SHISA9: variants seen among roughly 807,000 people sequenced by gnomAD.
SHISA9 encodes shisa family member 9, also known as protein shisa-9.
Under a neutral mutation model 38.0 loss-of-function variants are expected in SHISA9, and 13 were observed. The observed-to-expected ratio is 0.34, with a 90% confidence interval of 0.22 to 0.54. The LOEUF (loss-of-function observed/expected upper bound fraction) is 0.54. Ranked by LOEUF, SHISA9 falls within the 20% of genes least tolerant of loss-of-function variation. The pLI is 0.91. For synonymous variants in SHISA9, 275 were observed against 242.0 expected (o/e 1.14, Z -1.27); for missense variants, 538 against 575.8 (o/e 0.93, Z 0.67).
At chr16:13,200,772 CT>C (rs2050999469) in intron 2 of SHISA9, among the ~76,000 whole-genome samples, 1 of 135,686 alleles carries the variant, frequency 7.4e-6, no homozygotes, top group African/African-American at 2.9e-5. Context: ...TTACTTGGCA[CT>C]TATGTTTGGC....
the SHISA9 span, among the ~76,000 whole-genome samples, chr16:13,466,733 T>C: frequency 6.6e-6 from 1 of 152,276 alleles, no homozygotes; most frequent in Non-Finnish European, 1.5e-5. Flanking sequence ...ATTTTCTTTC[T>C]TCTTTTATTC....
At chr16:13,261,178 C>T in the SHISA9 span, among the ~76,000 whole-genome samples, 3 of 152,052 alleles carry the variant, frequency 2.0e-5, no homozygotes, top group Admixed American at 2.0e-4. Context: ...TAAACAAGAC[C>T]ATCTTGCCTA....
intron 2 of SHISA9, among the ~76,000 whole-genome samples, chr16:13,085,202 A>G (rs927936188): frequency 6.6e-6 from 1 of 152,182 alleles, no homozygotes; most frequent in African/African-American, 2.4e-5. Flanking sequence ...TCTTCAAAAC[A>G]CTTAGACCTA....
the SHISA9 span, among the ~76,000 whole-genome samples, chr16:13,542,835 C>T: frequency 7.2e-5 from 11 of 152,244 alleles, no homozygotes; most frequent in African/African-American, 1.4e-4. Flanking sequence ...TTTTGGGGCT[C>T]GAGCAGCATC....
chr16:13,385,868 A>G, the SHISA9 span, among the ~76,000 whole-genome samples: 1 of 152,254 alleles, frequency 6.6e-6, no homozygotes, highest in Non-Finnish European at 1.5e-5. Flanking sequence ...TGAATCTCAA[A>G]GGAATTATGC....
chr16:13,491,212 C>T, the SHISA9 span, among the ~76,000 whole-genome samples: 1 of 152,128 alleles, frequency 6.6e-6, no homozygotes, highest in African/African-American at 2.4e-5. Context: ...GCTTTTCCCT[C>T]TACAAAGATG....
chr16:13,190,208 C>T (rs2050870169), intron 2 of SHISA9, among the ~76,000 whole-genome samples: 1 of 150,778 alleles, frequency 6.6e-6, no homozygotes, highest in Non-Finnish European at 1.5e-5. Context: ...TTAGGTATAT[C>T]TCCCAATGCT....
At chr16:12,958,268 C>G (rs2071863203) in intron 2 of SHISA9, among the ~76,000 whole-genome samples, 2 of 152,180 alleles carry the variant, frequency 1.3e-5, no homozygotes, top group South Asian at 4.1e-4. Flanking sequence ...TATCTAGTTT[C>G]TATTGTTGGA....
chr16:13,009,413 T>A (rs2072642435), intron 2 of SHISA9, among the ~76,000 whole-genome samples: 1 of 152,074 alleles, frequency 6.6e-6, no homozygotes, highest in Non-Finnish European at 1.5e-5. Context: ...TTGCTCAGGA[T>A]CATAACCTCG....
At chr16:13,444,452 G>A in the SHISA9 span, among the ~76,000 whole-genome samples, 1 of 150,720 alleles carries the variant, frequency 6.6e-6, no homozygotes, top group Non-Finnish European at 1.5e-5. Context: ...AGGAAACAAG[G>A]AAGGAAGGAA....
At chr16:13,302,246 T>A in the SHISA9 span, among the ~76,000 whole-genome samples, 1 of 152,160 alleles carries the variant, frequency 6.6e-6, no homozygotes, top group South Asian at 2.1e-4. Flanking sequence ...AGGCAGGAAA[T>A]TAACCTCATT....
At chr16:13,477,287 C>T in the SHISA9 span, among the ~76,000 whole-genome samples, 16 of 152,194 alleles carry the variant, frequency 1.1e-4, no homozygotes, top group South Asian at 6.2e-4. Flanking sequence ...ATTGTTGGGT[C>T]ACATGGGAAG....
At chr16:13,203,990 C>T (rs1250385000) in intron 3 of SHISA9, among the ~76,000 whole-genome samples, 1 of 152,122 alleles carries the variant, frequency 6.6e-6, no homozygotes, top group Non-Finnish European at 1.5e-5. Context: ...CACCCATCCA[C>T]CTATTCACTT....
the SHISA9 span, among the ~76,000 whole-genome samples, chr16:13,421,213 G>GACA: frequency 0.73 from 111,480 of 151,768 alleles, 41,159 homozygotes; most frequent in Admixed American, 0.82. Flanking sequence ...TGTTATTACT[G>GACA]ACAAGTACTT....
At chr16:13,264,530 C>G in the SHISA9 span, among the ~76,000 whole-genome samples, 2 of 152,086 alleles carry the variant, frequency 1.3e-5, no homozygotes, top group Non-Finnish European at 2.9e-5. Context: ...GTTGTCTGAC[C>G]TCAGGATGAA....
the SHISA9 span, among the ~76,000 whole-genome samples, chr16:13,477,160 TA>T: frequency 6.6e-6 from 1 of 151,982 alleles, no homozygotes; most frequent in Admixed American, 6.6e-5. Context: ...GCTGGAGAAA[TA>T]AAAAATGAGT....
the SHISA9 span, among the ~76,000 whole-genome samples, chr16:13,382,619 G>T: frequency 5.3e-5 from 8 of 152,066 alleles, no homozygotes; most frequent in African/African-American, 1.9e-4. Flanking sequence ...AGGACTTTGG[G>T]AGGCTGAGGC....
the SHISA9 span, among the ~76,000 whole-genome samples, chr16:13,399,125 C>T: frequency 3.9e-4 from 59 of 152,034 alleles, no homozygotes; most frequent in Middle Eastern, 3.4e-3. Flanking sequence ...CTTGGTGGTG[C>T]GTACCTGTGG....
the SHISA9 span, among the ~76,000 whole-genome samples, chr16:13,519,571 C>G: frequency 4.7e-4 from 72 of 152,254 alleles, no homozygotes; most frequent in South Asian, 2.7e-3. Flanking sequence ...TCAGTTATAA[C>G]ATAGGTATGA....
Sources: allele counts gnomAD v4.1 joint callset (sites outside exome capture counted in the v4.1 genomes callset), GRCh38; gene constraint gnomAD v4.1.1; transcripts MANE v1.5; gene names NCBI Gene and HGNC (gene_info 2026-07-23, HGNC 2026-07-21).